PCDHA10: variants seen among roughly 807,000 people sequenced by gnomAD.
The protein encoded by PCDHA10 is protocadherin alpha 10.
In PCDHA10, 45 loss-of-function variants were observed where a neutral mutation model predicts 61.2. That is an observed-to-expected ratio of 0.74 (90% CI 0.58 to 0.94). The LOEUF (loss-of-function observed/expected upper bound fraction) is 0.94, where lower values mean the gene tolerates loss of function less well. Ranked by LOEUF, PCDHA10 falls within the 40% of genes least tolerant of loss-of-function variation. The pLI is 0.00. For synonymous variants in PCDHA10, 602 were observed against 548.8 expected (o/e 1.10, Z -1.35); for missense variants, 1,278 against 1,236.2 (o/e 1.03, Z -0.51).
At chr5:140,912,694 G>A (rs1328426442) in intron 1 of PCDHA10, among the ~76,000 whole-genome samples, 1 of 152,090 alleles carries the variant, frequency 6.6e-6, no homozygotes, top group Non-Finnish European at 1.5e-5. Flanking sequence ...GGTCTCAGGG[G>A]GAATGCTTTC....
In PCDHA10 at chr5:141,009,945, A is replaced by C. The variant is rs2098415489; in HGVS notation, c.*8A>C. 5.0e-6 allele frequency: 8 copies of C among 1,596,112 alleles called. No homozygotes were observed. The highest frequency in any genetic ancestry group is 6.8e-6 in the Non-Finnish European group (8 of 1,173,736). On this transcript the variant is annotated 3_prime_UTR_variant, in exon 4 of 4. Coordinates refer to ENST00000307360, the MANE Select transcript of PCDHA10 (RefSeq NM_018901.4). ...GACAACAGTGACCAGTGAGGTCCTCAAATGGAAACAAGCCACTTAGCCAGT... is the reference window on the plus strand; with the variant it reads ...GACAACAGTGACCAGTGAGGTCCTCCAATGGAAACAAGCCACTTAGCCAGT...
At chr5:140,870,001 G>T in intron 1 of PCDHA10, 34 of 1,613,566 alleles carry the variant, frequency 2.1e-5, no homozygotes, top group Non-Finnish European at 2.9e-5. Context: ...AAATAATGGA[G>T]AAGTGAGGGT....
chr5:140,982,506 C>G lies in PCDHA10; in HGVS notation c.2479C>G (p.Arg827Gly). The change falls in exon 3 of 4, where the codon CGG (arginine) becomes GGG (glycine). Residue 827 changes from arginine to glycine, a missense_variant. Transcript: ENST00000307360. ...SVHLEEAGIL[R>G]AGPGGPDQQW... Reference sequence around the variant, plus strand: ...GCACCTAGAGGAGGCTGGCATTCTACGGGCTGGTCCAGGAGGGCCTGATCA... The same window carrying G: ...GCACCTAGAGGAGGCTGGCATTCTAGGGGCTGGTCCAGGAGGGCCTGATCA... 6.2e-7 allele frequency: 1 copy of G among 1,614,162 alleles called. No homozygotes were observed. Among genetic ancestry groups the G allele is most frequent in the Non-Finnish European group, 8.5e-7 (1 of 1,180,032 alleles).
chr5:140,933,306 G>A (rs1159375359), intron 1 of PCDHA10, among the ~76,000 whole-genome samples: 1 of 151,920 alleles, frequency 6.6e-6, no homozygotes, highest in African/African-American at 2.4e-5. Context: ...AAATAAATAT[G>A]CAATCTCGTA....
intron 1 of PCDHA10, chr5:140,967,347 A>G: frequency 6.2e-7 from 1 of 1,608,324 alleles, no homozygotes; most frequent in South Asian, 1.1e-5. Flanking sequence ...GAGCACTTCG[A>G]GCTGGACCTT....
In PCDHA10 at chr5:140,892,541, T is replaced by G. The variant is rs192378744; in HGVS notation, c.2388+34105T>G. Among the ~76,000 whole-genome samples, 3 of 152,250 alleles carry G rather than the reference T, an allele frequency of 2.0e-5. 1 individual carries two copies. The highest frequency in any genetic ancestry group is 7.2e-5 in the African/African-American group (3 of 41,464). ...CTGGTAGACTCAGGATTCTGACTTT[T>G]GTTTCTCTAGTCCTTGGAGACTGTC... On this transcript the variant is annotated intron_variant, in intron 1 of 3. Transcript: ENST00000307360.
intron 1 of PCDHA10, chr5:140,862,727 C>G (rs1407282014): frequency 3.5e-6 from 2 of 570,998 alleles, no homozygotes; most frequent in African/African-American, 1.9e-5. Context: ...TGCGCGCTGT[C>G]TAGCTATGTG....
At chr5:140,884,143 G>C (rs782116778) in intron 1 of PCDHA10, 1 of 1,613,438 alleles carries the variant, frequency 6.2e-7, no homozygotes. Context: ...TCCGCGTGGG[G>C]CTGTACACTG....
intron 1 of PCDHA10, among the ~76,000 whole-genome samples, chr5:140,872,937 A>C (rs2053993403): frequency 6.6e-6 from 1 of 152,034 alleles, no homozygotes; most frequent in South Asian, 2.1e-4. Flanking sequence ...TGTTTTTGAA[A>C]TTTTCTTTCC....
intron 1 of PCDHA10, chr5:140,871,720 TA>T: frequency 1.3e-6 from 1 of 767,368 alleles, no homozygotes; most frequent in Non-Finnish European, 2.0e-6. Flanking sequence ...CTATTTCTCT[TA>T]ATATTTGGTT....
chr5:140,984,964 G>C (rs930753325), intron 3 of PCDHA10, among the ~76,000 whole-genome samples: 1 of 151,818 alleles, frequency 6.6e-6, no homozygotes, highest in Non-Finnish European at 1.5e-5. Context: ...TTGAGACAGA[G>C]TCTCGCTCTG....
intron 1 of PCDHA10, among the ~76,000 whole-genome samples, chr5:140,897,495 A>G (rs1208374175): frequency 1.2e-4 from 19 of 152,006 alleles, no homozygotes; most frequent in Admixed American, 9.8e-4. Flanking sequence ...AATTTCAACC[A>G]TGTCCCTACA....
intron 3 of PCDHA10, among the ~76,000 whole-genome samples, chr5:141,004,049 A>T (rs1372116883): frequency 6.6e-6 from 1 of 152,208 alleles, no homozygotes; most frequent in African/African-American, 2.4e-5. Flanking sequence ...TCATTTGCTG[A>T]TACTGGCCCC....
At chr5:140,966,172 G>A in intron 1 of PCDHA10, 1 of 184,672 alleles carries the variant, frequency 5.4e-6, no homozygotes, top group East Asian at 1.4e-4. Context: ...TTTTCCTGGG[G>A]AGCTGATAGC....
At chr5:140,882,376 C>G in intron 1 of PCDHA10, 1 of 1,614,190 alleles carries the variant, frequency 6.2e-7, no homozygotes, top group South Asian at 1.1e-5. Context: ...ACTCCGTCCC[C>G]GAGGAAGCAA....
At chr5:140,887,333 T>A (rs1214047567) in intron 1 of PCDHA10, among the ~76,000 whole-genome samples, 1 of 152,174 alleles carries the variant, frequency 6.6e-6, no homozygotes, top group African/African-American at 2.4e-5. Context: ...CCTGACCTCG[T>A]GATCCACCTG....
intron 1 of PCDHA10, chr5:140,926,866 G>C: frequency 6.6e-7 from 1 of 1,524,204 alleles, no homozygotes; most frequent in Non-Finnish European, 8.8e-7. Flanking sequence ...GTAGCGTGTT[G>C]GTGGAACGTG....
At chr5:140,903,787 A>G (rs782220484) in intron 1 of PCDHA10, among the ~76,000 whole-genome samples, 10 of 152,174 alleles carry the variant, frequency 6.6e-5, no homozygotes, top group Non-Finnish European at 1.3e-4. Context: ...TAAACTATCT[A>G]TGGTTGTAAT....
At chr5:140,988,483 C>T (rs2097299555) in intron 3 of PCDHA10, among the ~76,000 whole-genome samples, 2 of 152,030 alleles carry the variant, frequency 1.3e-5, no homozygotes, top group African/African-American at 4.8e-5. Context: ...AATTAGCATC[C>T]CCTACCTAGG....
Sources: gnomAD v4.1 joint callset for allele counts (sites outside exome capture counted in the v4.1 genomes callset) on GRCh38, gnomAD v4.1.1 for gene constraint, MANE v1.5 for transcripts, NCBI Gene and HGNC (gene_info 2026-07-23, HGNC 2026-07-21) for gene names.